Variants in PTPRN2 observed in about 807,000 individuals in gnomAD.
PTPRN2 encodes protein tyrosine phosphatase receptor type N2.
Under a neutral mutation model 118.8 loss-of-function variants are expected in PTPRN2, and 74 were observed. The observed-to-expected ratio is 0.62, with a 90% CI of 0.52 to 0.76. The LOEUF (loss-of-function observed/expected upper bound fraction) is 0.76, where lower values mean the gene tolerates loss of function less well. Among genes scored for constraint, PTPRN2 ranks in the 30% least tolerant of loss-of-function variants. PTPRN2 has a pLI of 0.00. For synonymous variants in PTPRN2, 641 were observed against 608.0 expected, an observed-to-expected ratio of 1.05 and a Z score of -0.80; for missense variants, 1,481 against 1,394.4, an observed-to-expected ratio of 1.06 and a Z score of -0.99.
chr7:158,098,864 C>T (rs1814909403), intron 10 of PTPRN2, among the ~76,000 whole-genome samples: 1 of 151,868 alleles, frequency 6.6e-6, no homozygotes, highest in South Asian at 2.1e-4. Context: ...CGGGGAGGGC[C>T]GGAGAAGATG....
At chr7:157,957,898 G>C (rs1801283879) in intron 11 of PTPRN2, among the ~76,000 whole-genome samples, 1 of 152,188 alleles carries the variant, frequency 6.6e-6, no homozygotes, top group Non-Finnish European at 1.5e-5. Context: ...TGTGAGTCCA[G>C]CATTACTCTG....
At chr7:158,158,652 G>T (rs1585680436) in intron 6 of PTPRN2, among the ~76,000 whole-genome samples, 1 of 130,874 alleles carries the variant, frequency 7.6e-6, no homozygotes, top group Non-Finnish European at 1.6e-5. Context: ...CCGGGACTTC[G>T]CAAGTGCTTT....
Position 157,571,495 on chromosome 7 carries a change from T to C in PTPRN2, c.2784-2A>G. ...CCCCTGTAGCACTTGTTTACTTTTC[T>C]GAAATAAAAAGAGATATAAAAATTA... On this transcript the variant is annotated splice_acceptor_variant, in intron 19 of 22. Coordinates refer to ENST00000389418, the MANE Select transcript of PTPRN2 (RefSeq NM_002847.5). LOFTEE classifies it high-confidence loss of function. 6.2e-7 allele frequency: 1 copy of C among 1,604,376 alleles called. No individual in the cohort carries two copies. Among genetic ancestry groups the C allele is most frequent in the South Asian group, 1.1e-5 (1 of 89,538 alleles).
At chr7:158,281,617 T>G (rs1229884715) in intron 3 of PTPRN2, among the ~76,000 whole-genome samples, 3 of 152,190 alleles carry the variant, frequency 2.0e-5, no homozygotes, top group Non-Finnish European at 4.4e-5. Flanking sequence ...TTGTGCTGGC[T>G]TTGCACCCCC....
At chr7:157,841,502 CA>C (rs1808417856) in intron 12 of PTPRN2, among the ~76,000 whole-genome samples, 1 of 152,186 alleles carries the variant, frequency 6.6e-6, no homozygotes, top group African/African-American at 2.4e-5. Context: ...AAAGCTCCCC[CA>C]AAGGAACCCT....
At position 157,952,396 on chromosome 7, in the gene PTPRN2, T is replaced by C. The variant is rs543041380; in HGVS notation, c.1724-53659A>G. 2.6e-3 allele frequency among the ~76,000 whole-genome samples: 221 copies of C among 83,928 alleles called. 3 individuals carry two copies. Among genetic ancestry groups the C allele is most frequent in the African/African-American group, 8.9e-3 (208 of 23,484 alleles). The allele number at this position is 83,928 out of a possible 152,430, so 55.1% of individuals were successfully genotyped here. ...GACAGGCAAGGGTGGGTAGTGTGCA[T>C]CCCTGAGACGGGGTGGGGGACACGG... On this transcript the variant is annotated intron_variant, in intron 11 of 22. Coordinates refer to ENST00000389418, the MANE Select transcript of PTPRN2 (RefSeq NM_002847.5).
intron 5 of PTPRN2, among the ~76,000 whole-genome samples, chr7:158,188,175 C>T (rs201180027): frequency 1.4e-5 from 2 of 140,750 alleles, no homozygotes; most frequent in African/African-American, 5.1e-5. Context: ...AAGGCCGCCA[C>T]GCTCGCCCCG....
chr7:158,333,417 C>A (rs1804900273), intron 2 of PTPRN2, among the ~76,000 whole-genome samples: 1 of 147,206 alleles, frequency 6.8e-6, no homozygotes, highest in Non-Finnish European at 1.5e-5. Flanking sequence ...CTCACACCCA[C>A]ACTGTCACCA....
intron 12 of PTPRN2, among the ~76,000 whole-genome samples, chr7:157,745,452 T>TGC (rs1800869003): frequency 6.6e-6 from 1 of 151,158 alleles, no homozygotes; most frequent in African/African-American, 2.4e-5. Context: ...GGACAGGCTG[T>TGC]GGGAGGCAGG....
At chr7:158,026,788 G>A (rs190127235) in intron 11 of PTPRN2, among the ~76,000 whole-genome samples, 14 of 152,254 alleles carry the variant, frequency 9.2e-5, no homozygotes, top group Non-Finnish European at 1.6e-4. Flanking sequence ...TGCCCTCCAC[G>A]TATACCGTGA....
intron 6 of PTPRN2, among the ~76,000 whole-genome samples, chr7:158,166,141 A>G (rs1174097985): frequency 6.7e-6 from 1 of 149,574 alleles, no homozygotes; most frequent in Non-Finnish European, 1.5e-5. Context: ...TGCCCGCCCC[A>G]TCCATCAGCT....
At chr7:158,449,765 T>G (rs1462726828) in intron 2 of PTPRN2, among the ~76,000 whole-genome samples, 2 of 152,264 alleles carry the variant, frequency 1.3e-5, no homozygotes, top group South Asian at 4.1e-4. Context: ...GCCCCTGCAC[T>G]GGTGACCCTT....
intron 2 of PTPRN2, among the ~76,000 whole-genome samples, chr7:158,403,765 C>T (rs555961360): frequency 9.2e-5 from 14 of 152,248 alleles, no homozygotes; most frequent in Non-Finnish European, 1.3e-4. Flanking sequence ...CAAAACCCCA[C>T]GAGGCTGAAT....
rs1331161803 is a variant in PTPRN2 at position 158,340,767 on chromosome 7, C to A, written c.164-23835G>T. Among the ~76,000 whole-genome samples the A allele has an allele frequency of 3.6e-5, 3 of 82,246 alleles. 1 individual carries two copies. The highest frequency in any genetic ancestry group is 7.3e-5 in the Non-Finnish European group (3 of 40,944). 54.0% of individuals were successfully genotyped at this position (82,246 alleles called of 152,430 possible). The stretch of plus-strand genomic sequence containing the variant: ...CATGCAGACGTCACACACACCCACA[C>A]TCTCACCATAATTGGTGACACCTGC... On this transcript the variant is annotated intron_variant, in intron 2 of 22. Transcript: ENST00000389418.
chr7:158,239,310 A>G (rs1009788656), intron 3 of PTPRN2, among the ~76,000 whole-genome samples: 3 of 152,182 alleles, frequency 2.0e-5, no homozygotes, highest in African/African-American at 7.2e-5. Context: ...CGCGACCTCC[A>G]GCTCTAACCA....
At chr7:157,571,588 T>C in intron 19 of PTPRN2, 95 bp from the exon 20 acceptor site, 1 of 888,242 alleles carries the variant, frequency 1.1e-6, no homozygotes, top group Non-Finnish European at 1.7e-6. Flanking sequence ...TCTGTGTGTT[T>C]GAAATCATTT....
chr7:157,711,815 C>G lies in PTPRN2; in HGVS notation c.1789-28878G>C, dbSNP rs185173631. On this transcript the variant is annotated intron_variant, in intron 12 of 22. Coordinates refer to ENST00000389418, the MANE Select transcript of PTPRN2 (RefSeq NM_002847.5). The stretch of plus-strand genomic sequence containing the variant: ...TCATTTTCTACCGACTTTGTTATTT[C>G]AGCATTCATTTAGTGCATATATTCC... Among the ~76,000 whole-genome samples, 119 of 152,040 alleles carry G rather than the reference C, an allele frequency of 7.8e-4. 3 individuals are homozygous for G. The highest frequency in any genetic ancestry group is 5.2e-3 in the South Asian group (25 of 4,808).
intron 15 of PTPRN2, among the ~76,000 whole-genome samples, chr7:157,620,021 G>T (rs1234964205): frequency 1.3e-5 from 2 of 152,200 alleles, no homozygotes; most frequent in Admixed American, 6.5e-5. Context: ...AGCTGACGAA[G>T]CTCCCTCTGT....
At chr7:158,447,500 G>A (rs2129437027) in intron 2 of PTPRN2, among the ~76,000 whole-genome samples, 1 of 152,254 alleles carries the variant, frequency 6.6e-6, no homozygotes, top group Non-Finnish European at 1.5e-5. Context: ...CCCAGAAGCA[G>A]CAGGGCCCCA....
Sources: gnomAD v4.1 joint callset for allele counts (sites outside exome capture counted in the v4.1 genomes callset) on GRCh38, gnomAD v4.1.1 for gene constraint, MANE v1.5 for transcripts, NCBI Gene and HGNC (gene_info 2026-07-23, HGNC 2026-07-21) for gene names.